PAPPA2: variants seen among roughly 807,000 people sequenced by gnomAD.
The protein encoded by PAPPA2 is pappalysin 2, also known as pappalysin-2.
Under a neutral mutation model 176.4 loss-of-function variants are expected in PAPPA2, and 86 were observed. The ratio of observed to expected loss-of-function variants is 0.49; its 90% CI spans 0.41 to 0.58. The LOEUF (loss-of-function observed/expected upper bound fraction) is 0.58, where lower values mean the gene tolerates loss of function less well. Among genes scored for constraint, PAPPA2 ranks in the 20% least tolerant of loss-of-function variants. The pLI is 0.00. For missense variants in PAPPA2, 2,073 were observed against 2,256.9 expected, an observed-to-expected ratio of 0.92 and a Z score of 1.65; for synonymous variants, 809 against 852.2, an observed-to-expected ratio of 0.95 and a Z score of 0.88.
intron 2 of PAPPA2, among the ~76,000 whole-genome samples, chr1:176,574,082 A>G (rs1012266417): frequency 6.6e-6 from 1 of 152,082 alleles, no homozygotes; most frequent in Non-Finnish European, 1.5e-5. Flanking sequence ...CCATTAGTGT[A>G]TTACTTATTT....
intron 1 of PAPPA2, among the ~76,000 whole-genome samples, chr1:176,519,284 GAATA>G (rs1402176118): frequency 2.0e-5 from 3 of 152,116 alleles, no homozygotes; most frequent in Non-Finnish European, 1.5e-5. Context: ...TGTGCACAGG[GAATA>G]AATGAGCACA....
chr1:176,790,037 C>G, intron 18 of PAPPA2, 60 bp downstream of exon 18: 1 of 1,542,982 alleles, frequency 6.5e-7, no homozygotes, highest in Non-Finnish European at 8.8e-7. Context: ...GATGCCCAAT[C>G]CAAGAAATTT....
intron 1 of PAPPA2, among the ~76,000 whole-genome samples, chr1:176,518,517 T>C (rs960418356): frequency 4.6e-5 from 7 of 151,766 alleles, no homozygotes; most frequent in Non-Finnish European, 8.8e-5. Flanking sequence ...GCCTTTAAGT[T>C]TGACTTGGTG....
intron 3 of PAPPA2, among the ~76,000 whole-genome samples, chr1:176,620,454 A>G (rs1325121191): frequency 6.6e-6 from 1 of 152,196 alleles, no homozygotes; most frequent in Non-Finnish European, 1.5e-5. Flanking sequence ...TTTCAAATTA[A>G]TAGTCTAGAC....
chr1:176,505,977 G>T (rs1341855356), intron 1 of PAPPA2, among the ~76,000 whole-genome samples: 1 of 152,078 alleles, frequency 6.6e-6, no homozygotes, highest in African/African-American at 2.4e-5. Context: ...AGTTAGACTG[G>T]AGAATTCTTG....
intron 21 of PAPPA2, among the ~76,000 whole-genome samples, chr1:176,816,364 C>G (rs1666400699): frequency 9.6e-6 from 1 of 104,268 alleles, no homozygotes; most frequent in African/African-American, 3.4e-5. Flanking sequence ...TTTTAGCTCT[C>G]TGACATCATC....
At chr1:176,839,514 G>T (rs1217204532) in intron 21 of PAPPA2, among the ~76,000 whole-genome samples, 1 of 152,078 alleles carries the variant, frequency 6.6e-6, no homozygotes, top group African/African-American at 2.4e-5. Flanking sequence ...GTACCTGTGG[G>T]AATATTTGTG....
At chr1:176,634,840 A>G (rs1656580951) in intron 3 of PAPPA2, among the ~76,000 whole-genome samples, 1 of 142,408 alleles carries the variant, frequency 7.0e-6, no homozygotes, top group South Asian at 2.3e-4. Flanking sequence ...ATAGATAGAT[A>G]GATAGATACA....
intron 1 of PAPPA2, among the ~76,000 whole-genome samples, chr1:176,494,781 C>T (rs535780962): frequency 6.6e-6 from 1 of 152,318 alleles, no homozygotes; most frequent in East Asian, 1.9e-4. Flanking sequence ...AAATTAGAAG[C>T]ATCATCTAAT....
chr1:176,709,392 G>C (rs1453973481), intron 10 of PAPPA2, among the ~76,000 whole-genome samples: 1 of 151,930 alleles, frequency 6.6e-6, no homozygotes, highest in African/African-American at 2.4e-5. Context: ...CACCTCACAG[G>C]GTTGTCCTAA....
intron 21 of PAPPA2, among the ~76,000 whole-genome samples, chr1:176,804,841 A>G (rs530064173): frequency 1.4e-4 from 21 of 152,362 alleles, no homozygotes; most frequent in African/African-American, 4.6e-4. Flanking sequence ...TTTTAAAATT[A>G]TAGATAAGTA....
At chr1:176,569,472 C>T (rs945546436) in intron 2 of PAPPA2, among the ~76,000 whole-genome samples, 10 of 152,218 alleles carry the variant, frequency 6.6e-5, no homozygotes, top group Admixed American at 5.9e-4. Context: ...CTTATGTTTT[C>T]CTGATACCTT....
chr1:176,554,240 G>A (rs1011518950), intron 1 of PAPPA2, among the ~76,000 whole-genome samples: 2 of 152,224 alleles, frequency 1.3e-5, no homozygotes, highest in African/African-American at 4.8e-5. Context: ...CAAGGCAGAA[G>A]AGGCAGTGCG....
In PAPPA2 at chr1:176,844,136, A is replaced by G. The variant is rs191864006; in HGVS notation, c.*1682A>G. 37 of 146,690 alleles carry G rather than the reference A, an allele frequency of 2.5e-4. No individual in the cohort carries two copies. The highest frequency in any genetic ancestry group is 8.0e-4 in the African/African-American group (31 of 38,990). The allele number at this position is 146,690 out of a possible 1,614,324, so 9.1% of individuals were successfully genotyped here. ...AGTAAGGAGCCAGTTTCTGTTTAAC[A>G]TTCTAGTTTTACTCATTTTAGGAAG... On this transcript the variant is annotated 3_prime_UTR_variant, in exon 23 of 23. Coordinates refer to ENST00000367662, the MANE Select transcript of PAPPA2 (RefSeq NM_020318.3).
chr1:176,542,908 G>C (rs1650437474), intron 1 of PAPPA2, among the ~76,000 whole-genome samples: 1 of 152,140 alleles, frequency 6.6e-6, no homozygotes, highest in Admixed American at 6.5e-5. Flanking sequence ...CCAGCAACAG[G>C]AACTCCTTTC....
At chr1:176,466,194 G>T (rs1372570844) in intron 1 of PAPPA2, among the ~76,000 whole-genome samples, 1 of 151,968 alleles carries the variant, frequency 6.6e-6, no homozygotes, top group Non-Finnish European at 1.5e-5. Flanking sequence ...GTCCTATATG[G>T]GAATGAATTA....
chr1:176,666,598 T>TGA (rs1212034462), intron 3 of PAPPA2, among the ~76,000 whole-genome samples: 3 of 138,822 alleles, frequency 2.2e-5, no homozygotes, highest in African/African-American at 8.4e-5. Context: ...TGTGTGTGTG[T>TGA]GTGTGTGTGT....
At chr1:176,622,448 A>G (rs988582065) in intron 3 of PAPPA2, among the ~76,000 whole-genome samples, 1 of 152,212 alleles carries the variant, frequency 6.6e-6, no homozygotes, top group Non-Finnish European at 1.5e-5. Flanking sequence ...AGGTATAAAT[A>G]TAAAAACTGT....
intron 2 of PAPPA2, among the ~76,000 whole-genome samples, chr1:176,576,843 G>A (rs1425210539): frequency 1.3e-5 from 2 of 152,174 alleles, no homozygotes; most frequent in Admixed American, 6.5e-5. Flanking sequence ...AGGTCTGTGT[G>A]CAATTTCAGC....
Sources: gnomAD v4.1 joint callset for allele counts (sites outside exome capture counted in the v4.1 genomes callset) on GRCh38, gnomAD v4.1.1 for gene constraint, MANE v1.5 for transcripts, NCBI Gene and HGNC (gene_info 2026-07-23, HGNC 2026-07-21) for gene names.